The following COL15A1 variants were observed in gnomAD, a reference collection of about 807,000 sequenced individuals.
COL15A1 encodes the protein collagen alpha-1(XV) chain.
COL15A1 carries 111 observed loss-of-function variants against 165.9 expected under a neutral mutation model. The ratio of observed to expected loss-of-function variants is 0.67; its 90% CI spans 0.57 to 0.78. COL15A1 has a LOEUF of 0.78. Ranked by LOEUF, COL15A1 falls within the 30% of genes least tolerant of loss-of-function variation. The probability of loss-of-function intolerance (pLI) is 0.00; values close to 1 mark genes in which losing one functional copy is unlikely to be tolerated. For missense variants in COL15A1, 1,745 were observed against 1,789.7 expected, an observed-to-expected ratio of 0.98 and a Z score of 0.45; for synonymous variants, 659 against 674.8, an observed-to-expected ratio of 0.98 and a Z score of 0.36.
At chr9:98,955,470 G>A (rs1262333009) in intron 2 of COL15A1, among the ~76,000 whole-genome samples, 1 of 152,158 alleles carries the variant, frequency 6.6e-6, no homozygotes, top group African/African-American at 2.4e-5. Context: ...ATAAGTTAAT[G>A]AATGAATCAT....
chr9:98,984,821 T>TC (rs1311632043), intron 2 of COL15A1, among the ~76,000 whole-genome samples: 1 of 152,198 alleles, frequency 6.6e-6, no homozygotes, highest in East Asian at 1.9e-4. Context: ...AGATGGACTC[T>TC]CCCTCTGTCA....
At chr9:99,005,818 G>A (rs990433829) in intron 9 of COL15A1, among the ~76,000 whole-genome samples, 5 of 152,100 alleles carry the variant, frequency 3.3e-5, no homozygotes, top group African/African-American at 1.2e-4. Context: ...GCCCTGTCTG[G>A]CCTCCTCCAT....
chr9:98,976,000 C>G (rs1356268591), intron 2 of COL15A1, among the ~76,000 whole-genome samples: 2 of 152,074 alleles, frequency 1.3e-5, no homozygotes, highest in Admixed American at 1.3e-4. Context: ...GAGGGTGTCT[C>G]GAGTAGAATT....
chr9:98,980,779 A>G (rs1838226366), intron 2 of COL15A1, among the ~76,000 whole-genome samples: 1 of 152,228 alleles, frequency 6.6e-6, no homozygotes, highest in African/African-American at 2.4e-5. Flanking sequence ...AATACAATGA[A>G]TATTTCTTTT....
chr9:98,964,106 T>C (rs1355856802), intron 2 of COL15A1, among the ~76,000 whole-genome samples: 1 of 152,242 alleles, frequency 6.6e-6, no homozygotes, highest in African/African-American at 2.4e-5. Context: ...AGCAGGGACT[T>C]ACATACAAGT....
chr9:98,992,075 G>A lies in COL15A1; in HGVS notation c.804+2817G>A, dbSNP rs57210229. On this transcript the variant is annotated intron_variant, in intron 5 of 41. Coordinates refer to ENST00000375001, the MANE Select transcript of COL15A1 (RefSeq NM_001855.5). ...GCTTCGCCTAGTGGATCCCGCACGAGGGCAGCAGGTGGAGCGGCCTGCCAG... is the reference window on the plus strand; with the variant it reads ...GCTTCGCCTAGTGGATCCCGCACGAAGGCAGCAGGTGGAGCGGCCTGCCAG... Among the ~76,000 whole-genome samples the A allele has an allele frequency of 2.1e-3, 324 of 152,376 alleles. 3 individuals carry two copies. The highest frequency in any genetic ancestry group is 7.4e-3 in the African/African-American group (306 of 41,590).
chr9:98,964,330 T>G (rs907507031), intron 2 of COL15A1, among the ~76,000 whole-genome samples: 2 of 152,200 alleles, frequency 1.3e-5, no homozygotes, highest in Admixed American at 1.3e-4. Flanking sequence ...ATTTGGAGAC[T>G]GTCAAGCTGT....
At chr9:99,001,095 A>G in intron 7 of COL15A1, 144 bp downstream of exon 7, 1 of 637,470 alleles carries the variant, frequency 1.6e-6, no homozygotes, top group South Asian at 1.8e-5. Flanking sequence ...TCCTCATGGT[A>G]CAGAGGAGGT....
intron 30 of COL15A1, among the ~76,000 whole-genome samples, chr9:99,050,329 A>G (rs1839566867): frequency 6.6e-6 from 1 of 152,312 alleles, no homozygotes; most frequent in East Asian, 1.9e-4. Flanking sequence ...CACAACACTG[A>G]CAGGCAGGGC....
At chr9:99,024,136 T>C (rs1444125502) in intron 14 of COL15A1, among the ~76,000 whole-genome samples, 1 of 152,194 alleles carries the variant, frequency 6.6e-6, no homozygotes, top group Non-Finnish European at 1.5e-5. Flanking sequence ...AGAAGGGTTC[T>C]GGACTCCGTG....
At chr9:99,057,482 C>T (rs1825739143) in intron 35 of COL15A1, among the ~76,000 whole-genome samples, 1 of 152,150 alleles carries the variant, frequency 6.6e-6, no homozygotes, top group Admixed American at 6.5e-5. Flanking sequence ...AAGAAAATCT[C>T]TATGTAATGA....
intron 13 of COL15A1, among the ~76,000 whole-genome samples, chr9:99,022,956 C>T (rs886874329): frequency 2.0e-5 from 3 of 152,198 alleles, no homozygotes; most frequent in African/African-American, 4.8e-5. Context: ...GATGGACCCA[C>T]GCACAACTAA....
At chr9:99,049,576 A>G in intron 28 of COL15A1, 114 bp from the exon 29 acceptor site, 1 of 1,304,684 alleles carries the variant, frequency 7.7e-7, no homozygotes, top group South Asian at 1.3e-5. Flanking sequence ...CTGAGAGAGA[A>G]GTTGGTTGGC....
chr9:98,995,215 T>C (rs934523453), intron 5 of COL15A1, among the ~76,000 whole-genome samples: 1 of 152,132 alleles, frequency 6.6e-6, no homozygotes, highest in African/African-American at 2.4e-5. Context: ...CCCTGCTAGA[T>C]GAACATCCAT....
intron 14 of COL15A1, 35 bp from the exon 15 acceptor site, chr9:99,024,839 C>A: frequency 6.3e-7 from 1 of 1,599,430 alleles, no homozygotes; most frequent in South Asian, 1.1e-5. Flanking sequence ...TTCGGTATTC[C>A]CCCACTGTTT....
chr9:99,070,681 G>A lies in COL15A1; in HGVS notation c.*795G>A, dbSNP rs1191166350. ...TTATAACTGCGACTGAAACAAACAG[G>A]TTCATAGAGATGAATTTTCTGAGAA... On this transcript the variant is annotated 3_prime_UTR_variant, in exon 42 of 42. Transcript: ENST00000375001. 3 of 442,042 alleles carry A rather than the reference G, an allele frequency of 6.8e-6. No individual in the cohort carries two copies. The highest frequency in any genetic ancestry group is 7.4e-5 in the East Asian group (1 of 13,592). 27.4% of individuals were successfully genotyped at this position (442,042 alleles called of 1,614,324 possible).
chr9:99,051,067 T>C (rs1326133686), intron 30 of COL15A1, among the ~76,000 whole-genome samples: 2 of 152,154 alleles, frequency 1.3e-5, no homozygotes. Context: ...GGAGTGACCT[T>C]CCTGGGCAGT....
At chr9:99,004,498 T>G (rs111337130) in intron 8 of COL15A1, among the ~76,000 whole-genome samples, 3 of 151,832 alleles carry the variant, frequency 2.0e-5, no homozygotes, top group African/African-American at 7.3e-5. Context: ...GGACAGGGAG[T>G]GGTCCACGAG....
intron 21 of COL15A1, 132 bp downstream of exon 21, chr9:99,036,528 C>T: frequency 4.0e-6 from 3 of 755,658 alleles, no homozygotes; most frequent in Non-Finnish European, 6.4e-6. Context: ...TTAGAACTTC[C>T]ACCTGCCAGC....
Sources: gnomAD v4.1 joint callset for allele counts (sites outside exome capture counted in the v4.1 genomes callset) on GRCh38, gnomAD v4.1.1 for gene constraint, MANE v1.5 for transcripts, NCBI Gene and HGNC (gene_info 2026-07-23, HGNC 2026-07-21) for gene names.